Variants in DNAH11 observed in about 807,000 individuals in gnomAD.
DNAH11 encodes the protein dynein axonemal heavy chain 11.
In DNAH11, 442 loss-of-function variants were observed where a neutral mutation model predicts 526.0. The observed-to-expected ratio is 0.84, with a 90% confidence interval of 0.78 to 0.91. The LOEUF (loss-of-function observed/expected upper bound fraction) is 0.91. DNAH11 is among the 40% of genes least tolerant of loss of function. The probability of loss-of-function intolerance (pLI) is 0.00; values close to 1 mark genes in which losing one functional copy is unlikely to be tolerated. For missense variants in DNAH11, 6,989 were observed against 5,448.7 expected (o/e 1.28, Z -8.90); for synonymous variants, 2,461 against 1,935.9 (o/e 1.27, Z -7.12).
intron 43 of DNAH11, among the ~76,000 whole-genome samples, chr7:21,718,447 C>T (rs1384394755): frequency 1.3e-5 from 2 of 152,198 alleles, no homozygotes; most frequent in Admixed American, 6.5e-5. Flanking sequence ...CACCTAGGTG[C>T]CACCACTCAC....
chr7:21,712,897 G>T (rs550672753), intron 42 of DNAH11, among the ~76,000 whole-genome samples: 1 of 152,268 alleles, frequency 6.6e-6, no homozygotes, highest in Non-Finnish European at 1.5e-5. Flanking sequence ...ACATTACCTG[G>T]TTCACATACC....
At chr7:21,811,157 G>A (rs922346953) in intron 63 of DNAH11, among the ~76,000 whole-genome samples, 12 of 152,014 alleles carry the variant, frequency 7.9e-5, no homozygotes, top group Admixed American at 2.6e-4. Flanking sequence ...GTCAATATTA[G>A]GCTAACTGAA....
intron 2 of DNAH11, 98 bp downstream of exon 2, chr7:21,545,247 AG>A: frequency 1.8e-6 from 1 of 544,394 alleles, no homozygotes; most frequent in Non-Finnish European, 2.7e-6. Context: ...AAGAGCTAGG[AG>A]GGGAAGGGAA....
At chr7:21,788,289 C>G (rs1788281015) in intron 60 of DNAH11, among the ~76,000 whole-genome samples, 1 of 152,152 alleles carries the variant, frequency 6.6e-6, no homozygotes, top group Non-Finnish European at 1.5e-5. Flanking sequence ...GTAGTCAATT[C>G]AATTCCCAAA....
intron 9 of DNAH11, among the ~76,000 whole-genome samples, chr7:21,584,429 G>A (rs2128441609): frequency 6.6e-6 from 1 of 152,222 alleles, no homozygotes; most frequent in African/African-American, 2.4e-5. Flanking sequence ...GGGATGTCAG[G>A]GAGTGGGGGG....
At chr7:21,572,098 A>G (rs1783917025) in intron 8 of DNAH11, 125 bp downstream of exon 8, 4 of 808,028 alleles carry the variant, frequency 5.0e-6, no homozygotes, top group Non-Finnish European at 6.8e-6. Flanking sequence ...AAGAGGTTAC[A>G]TGACTTGCCT....
intron 54 of DNAH11, among the ~76,000 whole-genome samples, chr7:21,758,026 C>T (rs1048587243): frequency 2.1e-4 from 32 of 152,206 alleles, no homozygotes; most frequent in East Asian, 5.8e-4. Flanking sequence ...GCCATCTCGA[C>T]GGCTTCATCC....
intron 45 of DNAH11, among the ~76,000 whole-genome samples, chr7:21,727,506 C>T (rs953285997): frequency 9.9e-5 from 15 of 152,194 alleles, no homozygotes; most frequent in African/African-American, 3.6e-4. Context: ...TCCAAATGAA[C>T]CTTTCTCTCT....
At chr7:21,759,747 C>G (rs1786813531) in intron 54 of DNAH11, among the ~76,000 whole-genome samples, 1 of 152,100 alleles carries the variant, frequency 6.6e-6, no homozygotes, top group Non-Finnish European at 1.5e-5. Context: ...ATGGACTGAG[C>G]CCTGTTAGTA....
In DNAH11 at chr7:21,892,426, C is replaced by T. The variant is rs12537531; in HGVS notation, c.12509C>T (p.Thr4170Ile). 660,546 of 1,604,288 alleles carry T rather than the reference C, an allele frequency of 0.41. 138,328 individuals carry two copies. The highest frequency in any genetic ancestry group is 0.43 in the Non-Finnish European group (500,444 of 1,172,872). Reference sequence around the variant, plus strand: ...CTGACTTTTCCTTTGTGGTTCAAGACTGAAGATGAACTGATGCTGGCACCA... The same window carrying T: ...CTGACTTTTCCTTTGTGGTTCAAGATTGAAGATGAACTGATGCTGGCACCA... ...YLEEFMNPSL[T>I]EDELMLAPGF... The change falls in exon 77 of 82, where the codon ACT becomes ATT. Residue 4170 changes from threonine to isoleucine, a missense_variant and splice_region_variant. Thr to Ile is a moderately conservative substitution (Grantham distance 89, BLOSUM62 -1). Coordinates refer to ENST00000409508, the MANE Select transcript of DNAH11 (RefSeq NM_001277115.2).
Position 21,617,626 on chromosome 7 carries a change from G to T in DNAH11, c.4103G>T (p.Trp1368Leu), listed in dbSNP as rs1345121959. 6.2e-7 allele frequency: 1 copy of T among 1,613,636 alleles called. No individual in the cohort carries two copies. Among genetic ancestry groups the T allele is most frequent in the African/African-American group, 1.3e-5 (1 of 75,026 alleles). The change falls in exon 23 of 82, where the codon TGG becomes TTG. Residue 1368 changes from tryptophan (W) to leucine (L), a missense_variant. Transcript: ENST00000409508. ...VELRRFAKEI[W>L]SLNKEVRVWD... ...TCCTCCACTTTTCTTTAGGAAATTT[G>T]GTCACTCAACAAGGAAGTCCGCGTC...
intron 14 of DNAH11, among the ~76,000 whole-genome samples, chr7:21,596,811 C>G (rs139397210): frequency 7.4e-4 from 113 of 152,286 alleles, no homozygotes; most frequent in African/African-American, 2.7e-3. Context: ...AATCACTGTT[C>G]TCAATCCAAG....
chr7:21,785,129 A>G (rs1788117715), intron 58 of DNAH11, among the ~76,000 whole-genome samples: 1 of 152,212 alleles, frequency 6.6e-6, no homozygotes, highest in Non-Finnish European at 1.5e-5. Flanking sequence ...GCCTGCAGCT[A>G]ATCTCATCCT....
intron 35 of DNAH11, 71 bp from the exon 36 acceptor site, chr7:21,698,004 C>T (rs1783920884): frequency 4.1e-6 from 6 of 1,473,306 alleles, no homozygotes; most frequent in Non-Finnish European, 5.5e-6. Context: ...ACGAAATAAC[C>T]ACTTGATTTC....
chr7:21,845,139 G>C (rs1233375768), intron 66 of DNAH11, among the ~76,000 whole-genome samples: 1 of 152,092 alleles, frequency 6.6e-6, no homozygotes, highest in East Asian at 1.9e-4. Context: ...TATTGGATAT[G>C]TGACTTATAA....
At chr7:21,589,095 C>A in intron 11 of DNAH11, 113 bp from the exon 12 acceptor site, 1 of 821,114 alleles carries the variant, frequency 1.2e-6, no homozygotes, top group Non-Finnish European at 1.7e-6. Flanking sequence ...GACTGTTTCT[C>A]TTCCTGGTTG....
At chr7:21,668,822 A>G (rs1455939970) in intron 30 of DNAH11, among the ~76,000 whole-genome samples, 1 of 152,150 alleles carries the variant, frequency 6.6e-6, no homozygotes. Context: ...TTGTGAACAT[A>G]TATTTTCATT....
At position 21,589,221 on chromosome 7, in the gene DNAH11, C is replaced by G. The variant is rs546189940; in HGVS notation, c.1987C>G (p.Pro663Ala). ...ASLRYLFLGNPDHALVYQKYV... is the reference protein window; with the variant it reads ...ASLRYLFLGNADHALVYQKYV... ...TTATTCCTACAGATTTTTGGGCAATCCTGATCACGCTTTAGTTTATCAAAA... is the reference window on the plus strand; with the variant it reads ...TTATTCCTACAGATTTTTGGGCAATGCTGATCACGCTTTAGTTTATCAAAA... Residue 663 changes from proline to alanine, a missense_variant, in exon 12 of 82, where the codon CCT (proline) becomes GCT (alanine). Coordinates refer to ENST00000409508, the MANE Select transcript of DNAH11 (RefSeq NM_001277115.2). 3 of 1,602,768 alleles carry G rather than the reference C, an allele frequency of 1.9e-6. No individual in the cohort carries two copies. The highest frequency in any genetic ancestry group is 2.7e-5 in the African/African-American group (2 of 74,446).
chr7:21,566,384 TAGG>T (rs1783666827), intron 6 of DNAH11, among the ~76,000 whole-genome samples: 1 of 152,172 alleles, frequency 6.6e-6, no homozygotes, highest in South Asian at 2.1e-4. Context: ...CCCAACATGT[TAGG>T]AGTCAAAAGT....
Sources: gnomAD v4.1 joint callset for allele counts (sites outside exome capture counted in the v4.1 genomes callset) on GRCh38, gnomAD v4.1.1 for gene constraint, MANE v1.5 for transcripts, NCBI Gene and HGNC (gene_info 2026-07-23, HGNC 2026-07-21) for gene names.